Variants in DLG4 observed in about 807,000 individuals in gnomAD.
DLG4 encodes discs large MAGUK scaffold protein 4, also known as disks large homolog 4.
DLG4 carries 7 observed loss-of-function variants against 93.8 expected under a neutral mutation model. That is an observed-to-expected ratio of 0.07 (90% confidence interval 0.04 to 0.14). DLG4 has a LOEUF of 0.14. Among genes scored for constraint, DLG4 ranks in the 10% least tolerant of loss-of-function variants. The pLI, the probability that DLG4 is intolerant of heterozygous loss-of-function variation, is 1.00. For missense variants in DLG4, 545 were observed against 992.9 expected (o/e 0.55, Z 6.06); for synonymous variants, 341 against 387.6 (o/e 0.88, Z 1.41).
At position 7,191,992 on chromosome 17, in the gene DLG4, C is replaced by T; in HGVS notation, c.1877G>A (p.Cys626Tyr). The T allele has an allele frequency of 2.1e-6, 3 of 1,441,324 alleles. No individual in the cohort carries two copies. The highest frequency in any genetic ancestry group is 2.7e-6 in the Non-Finnish European group (3 of 1,091,898). The allele number at this position is 1,441,324 out of a possible 1,614,324, so 89.3% of individuals were successfully genotyped here. A position where few individuals can be genotyped will look rare whatever the true frequency, so the allele number is the denominator to read the frequency against. The change falls in exon 18 of 20, where the codon TGC (cysteine) becomes TAC (tyrosine). Residue 626 changes from cysteine (C) to tyrosine (Y), a missense_variant. Cys to Tyr is a radical substitution (Grantham distance 194). Transcript: ENST00000399506. The surrounding 1 kb of genome is among the most constrained non-coding windows in gnomAD (Gnocchi z 6.6). Reference protein sequence around the residue: ...VREVAEQGKHCILDVSANAVR... With the variant: ...VREVAEQGKHYILDVSANAVR... ...GGCATTGGCCGAGACATCGAGGATG[C>T]AGTGCTTCCCCTGGGGGCAGGCAGG...
intron 2 of DLG4, chr17:7,204,537 G>C: frequency 2.4e-6 from 1 of 410,346 alleles, no homozygotes; most frequent in East Asian, 4.0e-5. Context: ...AAGCGGGAAG[G>C]GAGACAGCCA....
intron 2 of DLG4, among the ~76,000 whole-genome samples, chr17:7,207,779 G>A (rs911897568): frequency 1.3e-5 from 2 of 149,672 alleles, no homozygotes; most frequent in African/African-American, 5.0e-5. Flanking sequence ...ATGCACACAC[G>A]CACAGGCACA....
Position 7,190,498 on chromosome 17 carries a change from G to C in DLG4, c.*210C>G, listed in dbSNP as rs1049600151. ...GAGCCCAGCTCCCCCCCAGACCCCA[G>C]GTTCCTGGCGTTCAGGAGCCCAGTT... On this transcript the variant is annotated 3_prime_UTR_variant, in exon 20 of 20. Coordinates refer to ENST00000399506, the MANE Select transcript of DLG4 (RefSeq NM_001321075.3). 28 of 568,208 alleles carry C rather than the reference G, an allele frequency of 4.9e-5. 1 individual carries two copies. The highest frequency in any genetic ancestry group is 1.5e-4 in the South Asian group (7 of 48,040). 35.2% of individuals were successfully genotyped at this position (568,208 alleles called of 1,614,324 possible).
In DLG4 at chr17:7,217,602, C is replaced by T. The variant is rs2142945500; in HGVS notation, c.-455G>A. 7.3e-7 allele frequency: 1 copy of T among 1,378,190 alleles called. No individual in the cohort carries two copies. The highest frequency in any genetic ancestry group is 1.4e-5 in the South Asian group (1 of 70,470). The allele number at this position is 1,378,190 out of a possible 1,614,324, so 85.4% of individuals were successfully genotyped here. A position where few individuals can be genotyped will look rare whatever the true frequency, so the allele number is the denominator to read the frequency against. On this transcript the variant is annotated 5_prime_UTR_variant, in exon 1 of 20. Transcript: ENST00000399506. ...GGCAGCGGCCGAGGGAGCCGTGGAG[C>T]CGAAGAGGGAAGGGGAGAGAGGAGG...
In DLG4 at chr17:7,189,760, T is replaced by C. The variant is rs1409270529; in HGVS notation, c.*948A>G. 6.6e-6 allele frequency: 1 copy of C among 152,448 alleles called. No individual in the cohort carries two copies. Among genetic ancestry groups the C allele is most frequent in the Non-Finnish European group, 1.5e-5 (1 of 68,078 alleles). The allele number at this position is 152,448 out of a possible 1,614,324, so 9.4% of individuals were successfully genotyped here. A position where few individuals can be genotyped will look rare whatever the true frequency, so the allele number is the denominator to read the frequency against. ...GTCTTCACCAACTCGGGTTCCTTGA[T>C]TTGCCAGTTACCTCCCTGGCCCATT... On this transcript the variant is annotated 3_prime_UTR_variant, in exon 20 of 20. Transcript: ENST00000399506.
Position 7,191,388 on chromosome 17 carries a change from G to A in DLG4, c.1977-30C>T, listed in dbSNP as rs781509529. On this transcript the variant is annotated intron_variant, in intron 18 of 19. Transcript: ENST00000399506. This position sits in a 1 kb window ranked among gnomAD's most constrained non-coding sequence, Gnocchi z 6.6. ...GAAGAGGGAGGGAGAGCAGGCCTGA[G>A]ACTGGACCCACCTGACCCTGCCTTT... 1 of 1,586,588 alleles carries A rather than the reference G, an allele frequency of 6.3e-7. No homozygotes were observed. Among genetic ancestry groups the A allele is most frequent in the East Asian group, 2.2e-5 (1 of 44,722 alleles).
rs2069485822 is a variant in DLG4, at chr17:7,191,379, C to T, written c.1977-21G>A. The T allele has an allele frequency of 6.2e-7, 1 of 1,609,720 alleles. No individual in the cohort carries two copies. The highest frequency in any genetic ancestry group is 8.5e-7 in the Non-Finnish European group (1 of 1,176,320). On this transcript the variant is annotated intron_variant, in intron 18 of 19. Transcript: ENST00000399506. The surrounding 1 kb of genome is among the most constrained non-coding windows in gnomAD (Gnocchi z 6.6). Reference sequence around the variant, plus strand: ...TCTCTCTGTGAAGAGGGAGGGAGAGCAGGCCTGAGACTGGACCCACCTGAC... The same window carrying T: ...TCTCTCTGTGAAGAGGGAGGGAGAGTAGGCCTGAGACTGGACCCACCTGAC...
At chr17:7,207,795 A>C (rs1482487042) in intron 2 of DLG4, among the ~76,000 whole-genome samples, 1 of 150,644 alleles carries the variant, frequency 6.6e-6, no homozygotes, top group African/African-American at 2.5e-5. Flanking sequence ...GCACACACAC[A>C]GCACACGCGC....
Position 7,194,333 on chromosome 17 carries a change from G to A in DLG4, c.1464C>T (p.Ile488=), listed in dbSNP as rs2069658232. The A allele has an allele frequency of 6.2e-7, 1 of 1,607,152 alleles. No homozygotes were observed. Among genetic ancestry groups the A allele is most frequent in the Non-Finnish European group, 8.5e-7 (1 of 1,177,064 alleles). Residue 488 remains isoleucine (I), a synonymous_variant, in exon 12 of 20, where the codon ATC becomes ATT. Coordinates refer to ENST00000399506, the MANE Select transcript of DLG4 (RefSeq NM_001321075.3). The surrounding 1 kb of genome is among the most constrained non-coding windows in gnomAD (Gnocchi z 4.4). The part of the protein sequence containing the change: ...SDSETDDIGF[I]PSKRRVERRE... ...AGGAGCCTCACCGCCGTTTGCTGGG[G>A]ATGAACCCAATGTCGTCGGTCTCAC...
In DLG4 at chr17:7,203,088, G is replaced by T; in HGVS notation, c.643-41C>A. On this transcript the variant is annotated intron_variant, in intron 7 of 19. Coordinates refer to ENST00000399506, the MANE Select transcript of DLG4 (RefSeq NM_001321075.3). This position sits in a 1 kb window ranked among gnomAD's most constrained non-coding sequence, Gnocchi z 7.2. ...GCAAAGCTCAGACAAAGCCACAAAT[G>T]GCCCAAGACAGAAGCACTGGGGTGA... is the stretch of plus-strand genomic sequence containing the variant. 1 of 1,584,850 alleles carries T rather than the reference G, an allele frequency of 6.3e-7. No homozygotes were observed.
At position 7,193,783 on chromosome 17, in the gene DLG4, G is replaced by A; in HGVS notation, c.1543+61C>T. On this transcript the variant is annotated intron_variant, in intron 14 of 19. Transcript: ENST00000399506. This position sits in a 1 kb window ranked among gnomAD's most constrained non-coding sequence, Gnocchi z 6.7. The stretch of plus-strand genomic sequence containing the variant: ...ACCTGGAGCCCTGTCTCCCCCTTGA[G>A]GATATCAAAAGCAACTCAGTGCTCC... 6.2e-7 allele frequency: 1 copy of A among 1,611,416 alleles called. No homozygotes were observed.
chr17:7,198,452 C>T (rs4069805), intron 8 of DLG4, among the ~76,000 whole-genome samples: 16,820 of 143,860 alleles, frequency 0.12, 1,128 homozygotes, highest in Middle Eastern at 0.23. Flanking sequence ...CACTGCACTC[C>T]AGCCTGGGTG....
upstream of DLG4, chr17:7,219,917 G>A (rs2071099848): frequency 1.3e-6 from 2 of 1,567,036 alleles, no homozygotes; most frequent in Non-Finnish European, 1.7e-6. Context: ...GGGGCGCCAG[G>A]ACGTGGGCGT....
chr17:7,189,243 G>A lies in DLG4; in HGVS notation c.*1465C>T, dbSNP rs2069376698. ...GCGGTGGCTCACGCCTGTAATCCCA[G>A]CACTTTGGGAGGCTGAGGCGGGTGG... On this transcript the variant is annotated 3_prime_UTR_variant, in exon 20 of 20. Transcript: ENST00000399506. 1.3e-5 allele frequency among the ~76,000 whole-genome samples: 2 copies of A among 151,710 alleles called. No individual in the cohort carries two copies. The highest frequency in any genetic ancestry group is 4.1e-4 in the South Asian group (2 of 4,822).
rs2070791809 is a variant in DLG4, at chr17:7,213,557, T to TA, written c.30+3560dup. 2.6e-5 allele frequency among the ~76,000 whole-genome samples: 4 copies of TA among 152,222 alleles called. 1 individual carries two copies. The South Asian group carries it at 8.3e-4, about 32-fold the overall frequency. Reference sequence around the variant, plus strand: ...GGCCTCAAAAAATACACACCAAAGATACGGCCGGCAATCTGCAATGACCCA... The same window carrying TA: ...GGCCTCAAAAAATACACACCAAAGATAACGGCCGGCAATCTGCAATGACCCA... On this transcript the variant is annotated intron_variant, in intron 1 of 19. Coordinates refer to ENST00000399506, the MANE Select transcript of DLG4 (RefSeq NM_001321075.3).
In DLG4 at chr17:7,193,667, C is replaced by A; in HGVS notation, c.1591G>T (p.Val531Leu). 6.5e-7 allele frequency: 1 copy of A among 1,549,170 alleles called. No individual in the cohort carries two copies. Residue 531 changes from valine (V) to leucine (L), a missense_variant and splice_region_variant, in exon 15 of 20, where the codon GTG becomes TTG. Physicochemically the swap from Val to Leu is conservative, Grantham distance 32. This residue lies in a region of DLG4 where 428 missense variants were observed against 741.4 expected (regional missense o/e 0.58). Coordinates refer to ENST00000399506, the MANE Select transcript of DLG4 (RefSeq NM_001321075.3). This position sits in a 1 kb window ranked among gnomAD's most constrained non-coding sequence, Gnocchi z 6.7. ...GGCCAAGGCAGGGGCCAGGGCTCAC[C>A]TTCCATCTGCGTCACTGTCTCGTAG... ...LSYETVTQME[V>L]HYARPIIILG...
rs545923849 is a variant in DLG4, at chr17:7,192,056, G to A, written c.1867-54C>T. 1.0e-5 allele frequency: 11 copies of A among 1,068,126 alleles called. No homozygotes were observed. In the South Asian group the frequency reaches 2.1e-4, roughly 21 times the overall value. 66.2% of individuals were successfully genotyped at this position (1,068,126 alleles called of 1,614,324 possible). A position where few individuals can be genotyped will look rare whatever the true frequency, so the allele number is the denominator to read the frequency against. Reference sequence around the variant, plus strand: ...GGCCAGCGGGTGGCGAGAAAGGACAGAGAGCAGTGCCGGAGGGACACGGAC... The same window carrying A: ...GGCCAGCGGGTGGCGAGAAAGGACAAAGAGCAGTGCCGGAGGGACACGGAC... On this transcript the variant is annotated intron_variant, in intron 17 of 19. Coordinates refer to ENST00000399506, the MANE Select transcript of DLG4 (RefSeq NM_001321075.3).
intron 1 of DLG4, among the ~76,000 whole-genome samples, chr17:7,214,278 C>T (rs2070816637): frequency 3.9e-5 from 6 of 152,204 alleles, no homozygotes; most frequent in Admixed American, 3.9e-4. Flanking sequence ...GTCTCCTTTA[C>T]GCACGGGGGG....
chr17:7,204,390 G>A, intron 2 of DLG4, 138 bp from the exon 3 acceptor site: 2 of 768,926 alleles, frequency 2.6e-6, no homozygotes, highest in Non-Finnish European at 4.2e-6. Flanking sequence ...GCTGCTCAAG[G>A]GCCCAGCCTC....
Sources: allele counts gnomAD v4.1 joint callset (sites outside exome capture counted in the v4.1 genomes callset), GRCh38; gene constraint gnomAD v4.1.1; regional missense constraint gnomAD v4.1.1; non-coding constraint Gnocchi (gnomAD v3.1); transcripts MANE v1.5; gene names NCBI Gene and HGNC (gene_info 2026-07-23, HGNC 2026-07-21).